The following DACH2 variants were observed in gnomAD, a reference collection of about 807,000 sequenced individuals.
The protein encoded by DACH2 is dachshund homolog 2.
Under a neutral mutation model 35.8 loss-of-function variants are expected in DACH2, and 17 were observed. That is an observed-to-expected ratio of 0.48 (90% CI 0.33 to 0.71). DACH2 has a LOEUF of 0.71. DACH2 is among the 30% of genes least tolerant of loss of function. The probability of loss-of-function intolerance (pLI) is 0.02; values close to 1 mark genes in which losing one functional copy is unlikely to be tolerated. For synonymous variants in DACH2, 195 were observed against 177.3 expected (o/e 1.10, Z -0.79); for missense variants, 469 against 472.7 (o/e 0.99, Z 0.07).
At position 86,641,340 on chromosome X, in the gene DACH2, T is replaced by C. The variant is rs747003166; in HGVS notation, c.641-9696T>C. Among the ~76,000 whole-genome samples the C allele has an allele frequency of 1.9e-4, 21 of 111,948 alleles. No individual in the cohort carries two copies. In the East Asian group the frequency reaches 3.7e-3, roughly 19 times the overall value. ...AGTGTCAGCAGCAGAATAAACCAAG[T>C]TGATAAAAGAATCCTGGAACTTGAA... On this transcript the variant is annotated intron_variant, in intron 3 of 11. Coordinates refer to ENST00000373125, the MANE Select transcript of DACH2 (RefSeq NM_053281.3).
intron 1 of DACH2, among the ~76,000 whole-genome samples, chrX:86,212,972 C>A (rs2032482096): frequency 9.0e-6 from 1 of 111,564 alleles, no homozygotes; most frequent in Non-Finnish European, 1.9e-5. Flanking sequence ...ACTTTACATA[C>A]ACTCTTTAAA....
chrX:86,775,535 C>T (rs1259223387), intron 7 of DACH2, among the ~76,000 whole-genome samples: 1 of 111,373 alleles, frequency 9.0e-6, no homozygotes, highest in Non-Finnish European at 1.9e-5. Context: ...AACTATTTTC[C>T]CCCACTGTCA....
intron 3 of DACH2, among the ~76,000 whole-genome samples, chrX:86,543,515 T>C (rs1313943563): frequency 9.1e-6 from 1 of 109,946 alleles, no homozygotes; most frequent in Non-Finnish European, 1.9e-5. Flanking sequence ...ATTCAGGATA[T>C]GGATAGGAAT....
At chrX:86,775,104 T>G (rs2042019459) in intron 7 of DACH2, among the ~76,000 whole-genome samples, 2 of 111,834 alleles carry the variant, frequency 1.8e-5, no homozygotes, top group African/African-American at 6.5e-5. Context: ...CATTAAAAGA[T>G]TACTTTGCAA....
At chrX:86,229,708 A>T (rs1302651282) in intron 1 of DACH2, among the ~76,000 whole-genome samples, 11 of 95,236 alleles carry the variant, frequency 1.2e-4, no homozygotes, top group South Asian at 1.0e-3. Flanking sequence ...ATTCCTAAGT[A>T]TTTTTTTTTT....
chrX:86,686,478 G>A (rs777085647), intron 4 of DACH2, among the ~76,000 whole-genome samples: 8 of 110,210 alleles, frequency 7.3e-5, no homozygotes, highest in Non-Finnish European at 1.1e-4. Context: ...TGACCCACCC[G>A]CCTCGGCCTC....
intron 2 of DACH2, among the ~76,000 whole-genome samples, chrX:86,381,876 G>A (rs915675625): frequency 4.5e-5 from 5 of 110,389 alleles, no homozygotes; most frequent in South Asian, 7.6e-4. Context: ...ACATGATTTC[G>A]AATTCATGTT....
At chrX:86,481,070 G>C (rs966843519) in intron 2 of DACH2, 15 of 112,024 alleles carry the variant, frequency 1.3e-4, no homozygotes, top group Admixed American at 1.3e-3. Flanking sequence ...CAGTGATACA[G>C]AGAAAGATTA....
At chrX:86,430,916 G>C (rs1430962496) in intron 2 of DACH2, among the ~76,000 whole-genome samples, 1 of 111,702 alleles carries the variant, frequency 9.0e-6, no homozygotes, top group East Asian at 2.8e-4. Flanking sequence ...CATGTTTTTT[G>C]TTACCTAAAA....
At chrX:86,396,987 G>A (rs1303019851) in intron 2 of DACH2, among the ~76,000 whole-genome samples, 1 of 110,985 alleles carries the variant, frequency 9.0e-6, no homozygotes, top group Non-Finnish European at 1.9e-5. Context: ...GGGCAGTATG[G>A]CCATTTTCAC....
In DACH2 at chrX:86,277,542, A is replaced by G. The variant is rs180870915; in HGVS notation, c.489-99282A>G. On this transcript the variant is annotated intron_variant, in intron 1 of 11. Transcript: ENST00000373125. ...CTATGGAAATGATGTTAGACAAAAA[A>G]CAAATTCAAGCGATTTTCTTATTCC... is the stretch of plus-strand genomic sequence containing the variant. Among the ~76,000 whole-genome samples the G allele has an allele frequency of 1.9e-4, 21 of 112,612 alleles. No homozygotes were observed. In the East Asian group the frequency reaches 2.8e-3, roughly 15 times the overall value.
intron 2 of DACH2, among the ~76,000 whole-genome samples, chrX:86,438,982 A>T (rs542223967): frequency 1.6e-4 from 18 of 112,344 alleles, no homozygotes; most frequent in African/African-American, 5.8e-4. Context: ...TGTTTTCCAT[A>T]GTGGCTGTAC....
Position 86,667,608 on chromosome X carries a change from GAAAGA to G in DACH2, c.772+16444_772+16448del, listed in dbSNP as rs1569463762. 1.6e-3 allele frequency among the ~76,000 whole-genome samples: 166 copies of G among 104,944 alleles called. 1 individual carries two copies. Among genetic ancestry groups the G allele is most frequent in the African/African-American group, 5.5e-3 (154 of 27,858 alleles). The allele number at this position is 104,944 out of a possible 115,157, so 91.1% of individuals were successfully genotyped here. ...AGAAAGAAAGAAAGAAAGAAAGAAA[GAAAGA>G]AAGGCAGGCAGGCCCTGGTCTTAAC... is the stretch of plus-strand genomic sequence containing the variant. On this transcript the variant is annotated intron_variant, in intron 4 of 11. Coordinates refer to ENST00000373125, the MANE Select transcript of DACH2 (RefSeq NM_053281.3).
At chrX:86,437,671 T>C (rs1005845795) in intron 2 of DACH2, among the ~76,000 whole-genome samples, 3 of 111,491 alleles carry the variant, frequency 2.7e-5, no homozygotes, top group East Asian at 5.6e-4. Flanking sequence ...ACTTTCTTTA[T>C]CCATGCATTC....
chrX:86,277,184 G>A (rs895221251), intron 1 of DACH2, among the ~76,000 whole-genome samples: 35 of 111,062 alleles, frequency 3.2e-4, no homozygotes, highest in African/African-American at 1.0e-3. Context: ...TTCATTTTTT[G>A]ATGTCTTCTT....
chrX:86,241,347 C>A (rs945409308), intron 1 of DACH2, among the ~76,000 whole-genome samples: 1 of 111,867 alleles, frequency 8.9e-6, no homozygotes, highest in Non-Finnish European at 1.9e-5. Flanking sequence ...TGCCATTTTG[C>A]CCCTGCCCTA....
At chrX:86,649,955 T>C (rs1008628216) in intron 3 of DACH2, among the ~76,000 whole-genome samples, 1 of 111,173 alleles carries the variant, frequency 9.0e-6, no homozygotes, top group African/African-American at 3.3e-5. Context: ...ACCAGATTTT[T>C]CTTTTTGGCC....
At position 86,832,088 on chromosome X, in the gene DACH2, G is replaced by T. The variant is rs757644813; in HGVS notation, c.1751-18G>T. On this transcript the variant is annotated intron_variant, in intron 11 of 11. Coordinates refer to ENST00000373125, the MANE Select transcript of DACH2 (RefSeq NM_053281.3). ...AATGACTCTTCATAAGAACTAACTT[G>T]TTTTCTTTTTTTTTAAGGAGGTAAC... is the stretch of plus-strand genomic sequence containing the variant. The T allele has an allele frequency of 8.8e-6, 10 of 1,139,032 alleles. No individual in the cohort carries two copies. In the Admixed American group the frequency reaches 1.4e-4, roughly 16 times the overall value. The allele number at this position is 1,139,032 out of a possible 1,213,427, so 93.9% of individuals were successfully genotyped here. A position where few individuals can be genotyped will look rare whatever the true frequency, so the allele number is the denominator to read the frequency against.
intron 1 of DACH2, among the ~76,000 whole-genome samples, chrX:86,242,318 G>A (rs1469479306): frequency 8.9e-6 from 1 of 112,391 alleles, no homozygotes; most frequent in Non-Finnish European, 1.9e-5. Context: ...GTGAGTCAAG[G>A]AGTCAAAGGA....
Sources: allele counts gnomAD v4.1 joint callset (sites outside exome capture counted in the v4.1 genomes callset), GRCh38; gene constraint gnomAD v4.1.1; transcripts MANE v1.5; gene names NCBI Gene and HGNC (gene_info 2026-07-23, HGNC 2026-07-21).